The following PHLDB2 variants were observed in gnomAD, a reference collection of about 807,000 sequenced individuals.
PHLDB2 encodes the protein pleckstrin homology-like domain family B member 2.
In PHLDB2, 71 loss-of-function variants were observed where a neutral mutation model predicts 123.6. That is an observed-to-expected ratio of 0.57 (90% confidence interval 0.47 to 0.70). PHLDB2 has a LOEUF of 0.70. PHLDB2 is among the 30% of genes least tolerant of loss of function. The pLI is 0.00. For missense variants in PHLDB2, 1,446 were observed against 1,519.5 expected (o/e 0.95, Z 0.80); for synonymous variants, 547 against 541.6 (o/e 1.01, Z -0.14).
rs534145051 is a variant in PHLDB2, at chr3:111,939,700, T to C, written c.2286+70T>C. ...TTCTGCTTAACATAGCTATGACATA[T>C]GTCTGTCTGAATATCACATTTGACA... On this transcript the variant is annotated intron_variant, in intron 7 of 17. Transcript: ENST00000431670. 5.5e-4 allele frequency: 802 copies of C among 1,446,012 alleles called. 11 individuals carry two copies. In the South Asian group the frequency reaches 6.5e-3, roughly 12 times the overall value. The allele number at this position is 1,446,012 out of a possible 1,614,324, so 89.6% of individuals were successfully genotyped here.
chr3:111,937,682 A>G (rs1014616822), intron 6 of PHLDB2, among the ~76,000 whole-genome samples: 1 of 151,952 alleles, frequency 6.6e-6, no homozygotes, highest in Non-Finnish European at 1.5e-5. Flanking sequence ...AGGTTGAGGC[A>G]GGAAGATTGC....
chr3:111,819,243 G>C (rs76620504), intron 1 of PHLDB2, among the ~76,000 whole-genome samples: 1 of 151,656 alleles, frequency 6.6e-6, no homozygotes, highest in Admixed American at 6.6e-5. Context: ...GGGCTTCCAC[G>C]TATAAATGGG....
At chr3:111,756,353 A>G (rs1368402150) in intron 1 of PHLDB2, among the ~76,000 whole-genome samples, 1 of 152,080 alleles carries the variant, frequency 6.6e-6, no homozygotes, top group East Asian at 1.9e-4. Flanking sequence ...TTGGGTGCAT[A>G]TATATTTAGG....
intron 5 of PHLDB2, among the ~76,000 whole-genome samples, chr3:111,927,412 A>G (rs1373537222): frequency 6.6e-6 from 1 of 152,220 alleles, no homozygotes; most frequent in African/African-American, 2.4e-5. Flanking sequence ...CTTAGAGACT[A>G]TAAATTTTGA....
At chr3:111,900,647 T>TA (rs1364505444) in intron 2 of PHLDB2, among the ~76,000 whole-genome samples, 8 of 152,162 alleles carry the variant, frequency 5.3e-5, no homozygotes, top group Non-Finnish European at 1.0e-4. Context: ...ATAACAGATA[T>TA]GATGATAATG....
intron 2 of PHLDB2, among the ~76,000 whole-genome samples, chr3:111,892,104 A>C (rs1454199591): frequency 2.0e-5 from 3 of 152,216 alleles, no homozygotes; most frequent in Non-Finnish European, 4.4e-5. Flanking sequence ...AACATGTTGT[A>C]ATGTGATACC....
chr3:111,806,387 G>T (rs2061588906), intron 1 of PHLDB2, among the ~76,000 whole-genome samples: 3 of 151,944 alleles, frequency 2.0e-5, no homozygotes, highest in African/African-American at 7.3e-5. Context: ...GCCTTTTCTA[G>T]AAATTTCATA....
chr3:111,816,862 T>C (rs1408188896), intron 1 of PHLDB2, among the ~76,000 whole-genome samples: 1 of 152,196 alleles, frequency 6.6e-6, no homozygotes, highest in African/African-American at 2.4e-5. Context: ...TTTCCACATG[T>C]TGTGGGAACA....
rs114845696 is a variant in PHLDB2, at chr3:111,767,913, G to C, written c.-49+35210G>C. Among the ~76,000 whole-genome samples the C allele has an allele frequency of 9.5e-3, 1,445 of 152,202 alleles. 20 individuals carry two copies. The highest frequency in any genetic ancestry group is 0.032 in the African/African-American group (1,342 of 41,524). On this transcript the variant is annotated intron_variant, in intron 1 of 17. Transcript: ENST00000393923. ...GGTTTGATTTTCCAAGTTCCTGCTT[G>C]GGTTGTATATGAATAGGGTTATCTA...
intron 1 of PHLDB2, among the ~76,000 whole-genome samples, chr3:111,754,459 A>G (rs1170226545): frequency 1.2e-5 from 1 of 85,360 alleles, no homozygotes; most frequent in African/African-American, 5.7e-5. Context: ...TTTGTCTGTT[A>G]TTGGTGTATA....
At chr3:111,780,402 A>AGAAGAAGAAGAAGAAG (rs751320904) in intron 1 of PHLDB2, among the ~76,000 whole-genome samples, 10 of 145,814 alleles carry the variant, frequency 6.9e-5, no homozygotes, top group Non-Finnish European at 1.1e-4. Context: ...AAGAAGAAGA[A>AGAAGAAGAAGAAGAAG]GAAGAAGAAA....
intron 2 of PHLDB2, among the ~76,000 whole-genome samples, chr3:111,886,912 A>G (rs2066199217): frequency 6.6e-6 from 1 of 152,246 alleles, no homozygotes. Flanking sequence ...GTATATGGAC[A>G]GCAAATAGAA....
chr3:111,968,265 C>T (rs1215419626), intron 15 of PHLDB2, among the ~76,000 whole-genome samples: 1 of 152,128 alleles, frequency 6.6e-6, no homozygotes, highest in African/African-American at 2.4e-5. Flanking sequence ...CAGTCTAGAG[C>T]AGTGTAATTT....
chr3:111,861,026 T>C (rs2064808834), intron 1 of PHLDB2, among the ~76,000 whole-genome samples: 1 of 152,232 alleles, frequency 6.6e-6, no homozygotes, highest in Non-Finnish European at 1.5e-5. Flanking sequence ...ATTCTAACGT[T>C]TGAATTCGGC....
At chr3:111,936,233 G>C (rs1321488655) in intron 6 of PHLDB2, among the ~76,000 whole-genome samples, 1 of 152,192 alleles carries the variant, frequency 6.6e-6, no homozygotes, top group African/African-American at 2.4e-5. Flanking sequence ...CTTTAGTGCA[G>C]CTGTTTTAGG....
chr3:111,962,163 C>T lies in PHLDB2; in HGVS notation c.2928C>T (p.Asn976=), dbSNP rs1193070009. Residue 976 remains asparagine (N), a synonymous_variant, in exon 13 of 18, where the codon AAC becomes AAT. Transcript: ENST00000431670. ...ACAGGCAGAAATCTGAATTTTATAA[C>T]CGCACAGCATCTGAATCAAATGTCT... The part of the protein sequence containing the change: ...EGHRQKSEFY[N]RTASESNVYL... 1.3e-6 allele frequency: 2 copies of T among 1,585,482 alleles called. No homozygotes were observed. Among genetic ancestry groups the T allele is most frequent in the African/African-American group, 1.4e-5 (1 of 72,730 alleles).
intron 5 of PHLDB2, among the ~76,000 whole-genome samples, chr3:111,924,370 G>A (rs183991082): frequency 4.6e-5 from 7 of 152,368 alleles, no homozygotes; most frequent in African/African-American, 4.8e-5. Flanking sequence ...TATCCAGCCC[G>A]TAGCATGTGC....
chr3:111,884,110 A>G lies in PHLDB2; in HGVS notation c.33A>G (p.Leu11=). 6.2e-7 allele frequency: 1 copy of G among 1,614,064 alleles called. No individual in the cohort carries two copies. The change falls in exon 2 of 18, where the codon CTA becomes CTG. Residue 11 remains leucine, a synonymous_variant. Transcript: ENST00000431670. ...AGCATAGCTACATACAAAAGGAGCTAGATTTACAAAATGGTAGCTTAGAGG... is the reference window on the plus strand; with the variant it reads ...AGCATAGCTACATACAAAAGGAGCTGGATTTACAAAATGGTAGCTTAGAGG... MEEHSYIQKE[L]DLQNGSLEED... is the part of the protein sequence containing the mutation.
intron 1 of PHLDB2, among the ~76,000 whole-genome samples, chr3:111,774,227 A>G (rs1166552566): frequency 1.3e-5 from 2 of 152,186 alleles, no homozygotes; most frequent in African/African-American, 4.8e-5. Flanking sequence ...GTCTCACTCA[A>G]GTAAGGCTGT....
Sources: gnomAD v4.1 joint callset for allele counts (sites outside exome capture counted in the v4.1 genomes callset) on GRCh38, gnomAD v4.1.1 for gene constraint, MANE v1.5 for transcripts, NCBI Gene and HGNC (gene_info 2026-07-23, HGNC 2026-07-21) for gene names.